The following MYO7B variants were observed in gnomAD, a reference collection of about 807,000 sequenced individuals.
MYO7B encodes unconventional myosin-VIIb.
MYO7B carries 212 observed loss-of-function variants against 259.7 expected under a neutral mutation model. That is an observed-to-expected ratio of 0.82 (90% confidence interval 0.73 to 0.91). The LOEUF (loss-of-function observed/expected upper bound fraction) is 0.91, where lower values mean the gene tolerates loss of function less well. MYO7B is among the 40% of genes least tolerant of loss of function. The pLI, the probability that MYO7B is intolerant of heterozygous loss-of-function variation, is 0.00. For missense variants in MYO7B, 2,732 were observed against 2,813.5 expected (o/e 0.97, Z 0.66); for synonymous variants, 1,197 against 1,166.4 (o/e 1.03, Z -0.54).
At position 127,607,479 on chromosome 2, in the gene MYO7B, T is replaced by C; in HGVS notation, c.2643+55T>C. 1.3e-6 allele frequency: 2 copies of C among 1,489,762 alleles called. No homozygotes were observed. Among genetic ancestry groups the C allele is most frequent in the South Asian group, 1.2e-5 (1 of 80,648 alleles). The allele number at this position is 1,489,762 out of a possible 1,614,324, so 92.3% of individuals were successfully genotyped here. A position where few individuals can be genotyped will look rare whatever the true frequency, so the allele number is the denominator to read the frequency against. ...TGGGGCTGGCTGGGGCCCCAGTGGG[T>C]GAGGGCAAGAAGGAGTGAGCGGCTG... On this transcript the variant is annotated intron_variant, in intron 21 of 47. Transcript: ENST00000409816. The surrounding 1 kb of genome is among the most constrained non-coding windows in gnomAD (Gnocchi z 4.4).
At chr2:127,538,346 A>T (rs548773877) in intron 1 of MYO7B, among the ~76,000 whole-genome samples, 200 of 152,308 alleles carry the variant, frequency 1.3e-3, no homozygotes, top group African/African-American at 4.7e-3. Flanking sequence ...AACAGTAGCC[A>T]CTAGCCACAA....
intron 30 of MYO7B, among the ~76,000 whole-genome samples, chr2:127,624,625 A>G (rs1681013645): frequency 6.6e-6 from 1 of 152,276 alleles, no homozygotes. Flanking sequence ...ATGGCCTTGG[A>G]GCCCTAACAC....
intron 26 of MYO7B, among the ~76,000 whole-genome samples, chr2:127,617,981 T>C (rs933174882): frequency 2.0e-5 from 3 of 152,160 alleles, no homozygotes; most frequent in African/African-American, 7.2e-5. Context: ...CTAGTCTTTG[T>C]CTATCCCTAT....
chr2:127,545,074 C>G (rs1028649333), intron 1 of MYO7B, among the ~76,000 whole-genome samples: 1 of 152,174 alleles, frequency 6.6e-6, no homozygotes, highest in African/African-American at 2.4e-5. Context: ...AAAGGTTGAA[C>G]CTGAATCCAG....
chr2:127,560,978 G>T (rs1162377858), intron 2 of MYO7B, among the ~76,000 whole-genome samples: 1 of 152,166 alleles, frequency 6.6e-6, no homozygotes, highest in South Asian at 2.1e-4. Flanking sequence ...GGCTGTTTTA[G>T]TTTGGAGAAA....
chr2:127,594,171 C>T (rs2104982949), intron 18 of MYO7B, among the ~76,000 whole-genome samples: 1 of 152,380 alleles, frequency 6.6e-6, no homozygotes, highest in South Asian at 2.1e-4. Flanking sequence ...ACCTGCCTCC[C>T]CCAAAATGCA....
At position 127,609,452 on chromosome 2, in the gene MYO7B, G is replaced by T. The variant is rs1680289437; in HGVS notation, c.2815-54G>T. On this transcript the variant is annotated intron_variant, in intron 22 of 47. Transcript: ENST00000409816. This position sits in a 1 kb window ranked among gnomAD's most constrained non-coding sequence, Gnocchi z 6.9. ...GGCCTGCTGGACAGTCAGCTGATGG[G>T]TTGGTTGTTACCTGAAAGCCCTGCT... The T allele has an allele frequency of 2.6e-6, 4 of 1,522,926 alleles. No homozygotes were observed. The highest frequency in any genetic ancestry group is 3.6e-6 in the Non-Finnish European group (4 of 1,116,964). The allele number at this position is 1,522,926 out of a possible 1,614,324, so 94.3% of individuals were successfully genotyped here.
rs558912479 is a variant in MYO7B, at chr2:127,548,590, A to G, written c.-23-11110A>G. 7.9e-5 allele frequency among the ~76,000 whole-genome samples: 12 copies of G among 151,604 alleles called. No homozygotes were observed. In the South Asian group the frequency reaches 8.4e-4, roughly 11 times the overall value. ...GCCACCAAGCCTAGCAGCTTTTTCT[A>G]TTTTTAGTAGAGACGGGGTTTCACC... On this transcript the variant is annotated intron_variant, in intron 1 of 47. Coordinates refer to ENST00000409816, the MANE Select transcript of MYO7B (RefSeq NM_001393586.1).
At chr2:127,570,079 G>A (rs2104888939) in intron 6 of MYO7B, among the ~76,000 whole-genome samples, 169 bp downstream of exon 6, 1 of 152,254 alleles carries the variant, frequency 6.6e-6, no homozygotes, top group East Asian at 1.9e-4. Flanking sequence ...GGGGGGCCAG[G>A]CAGCACAAAG....
intron 17 of MYO7B, among the ~76,000 whole-genome samples, 187 bp from the exon 18 acceptor site, chr2:127,593,359 C>T (rs1343962421): frequency 6.6e-6 from 1 of 151,980 alleles, no homozygotes; most frequent in African/African-American, 2.4e-5. Context: ...ATGGAGGCCC[C>T]GGGCCCCGAG....
intron 40 of MYO7B, among the ~76,000 whole-genome samples, chr2:127,633,607 C>T (rs940763202): frequency 6.6e-5 from 10 of 152,162 alleles, no homozygotes; most frequent in South Asian, 2.1e-4. Context: ...CAGGAGAGGA[C>T]AGAGGGGTGG....
At chr2:127,601,329 T>C (rs533149163) in intron 19 of MYO7B, among the ~76,000 whole-genome samples, 1 of 152,336 alleles carries the variant, frequency 6.6e-6, no homozygotes, top group Non-Finnish European at 1.5e-5. Flanking sequence ...AAATGTCAAT[T>C]AGATCTTGTT....
intron 17 of MYO7B, 125 bp downstream of exon 17, chr2:127,593,071 C>A: frequency 8.1e-7 from 1 of 1,228,526 alleles, no homozygotes; most frequent in Non-Finnish European, 1.1e-6. Context: ...TTGCGATGAG[C>A]CCTGTCCTTC....
At chr2:127,538,773 C>T (rs1346778750) in intron 1 of MYO7B, among the ~76,000 whole-genome samples, 1 of 152,052 alleles carries the variant, frequency 6.6e-6, no homozygotes, top group Non-Finnish European at 1.5e-5. Context: ...CCATGTTGAC[C>T]AGGCTGGTCT....
rs1395956679 is a variant in MYO7B, at chr2:127,636,177, C to G, written c.6007-31C>G. On this transcript the variant is annotated intron_variant, in intron 44 of 47. Coordinates refer to ENST00000409816, the MANE Select transcript of MYO7B (RefSeq NM_001393586.1). The surrounding 1 kb of genome is among the most constrained non-coding windows in gnomAD (Gnocchi z 4.5). ...AGGGCTTTGGAGGGCCTCTGGGCAC[C>G]CAAGTCCTTACTGGCCCTCCTGTCC... 6.3e-7 allele frequency: 1 copy of G among 1,577,888 alleles called. No homozygotes were observed. The highest frequency in any genetic ancestry group is 8.7e-7 in the Non-Finnish European group (1 of 1,150,184).
chr2:127,558,617 T>A (rs1677927280), intron 1 of MYO7B, among the ~76,000 whole-genome samples: 1 of 152,048 alleles, frequency 6.6e-6, no homozygotes, highest in Non-Finnish European at 1.5e-5. Context: ...AGTGAACAAG[T>A]GGATAAAGAA....
At chr2:127,620,488 G>T (rs1184270538) in intron 27 of MYO7B, 22 bp downstream of exon 27, 2 of 1,534,060 alleles carry the variant, frequency 1.3e-6, no homozygotes, top group South Asian at 2.5e-5. Flanking sequence ...CATGAAGGGA[G>T]GGCGGGCAGG....
intron 1 of MYO7B, among the ~76,000 whole-genome samples, chr2:127,545,677 C>G (rs1693201958): frequency 6.6e-6 from 1 of 152,222 alleles, no homozygotes; most frequent in East Asian, 1.9e-4. Flanking sequence ...CCACTAATGC[C>G]AAGGCTCAGT....
In MYO7B at chr2:127,609,545, C is replaced by G. The variant is rs1680294245; in HGVS notation, c.2854C>G (p.Leu952Val). Reference protein sequence around the residue: ...SKTQKLLEVDLDTVPMAEEPE... With the variant: ...SKTQKLLEVDVDTVPMAEEPE... ...GACCCAGAAGCTGCTTGAGGTTGAC[C>G]TGGACACAGTCCCCATGGCGGAGGA... The change falls in exon 23 of 48, where the codon CTG becomes GTG. Residue 952 changes from leucine to valine, a missense_variant. Around this residue, in one of 3 missense-constraint regions of MYO7B, gnomAD observed 1,906 missense variants for 2,026.4 expected, o/e 0.94. Coordinates refer to ENST00000409816, the MANE Select transcript of MYO7B (RefSeq NM_001393586.1). This position sits in a 1 kb window ranked among gnomAD's most constrained non-coding sequence, Gnocchi z 6.9. 6.2e-7 allele frequency: 1 copy of G among 1,613,860 alleles called. No individual in the cohort carries two copies. The highest frequency in any genetic ancestry group is 8.5e-7 in the Non-Finnish European group (1 of 1,179,804).
Sources: gnomAD v4.1 joint callset for allele counts (sites outside exome capture counted in the v4.1 genomes callset) on GRCh38, gnomAD v4.1.1 for gene constraint, gnomAD v4.1.1 regional missense constraint, Gnocchi (gnomAD v3.1) non-coding constraint, MANE v1.5 for transcripts, NCBI Gene and HGNC (gene_info 2026-07-23, HGNC 2026-07-21) for gene names.